PPP2R3B: variants seen among roughly 807,000 people sequenced by gnomAD.
PPP2R3B encodes the protein protein phosphatase 2 regulatory subunit B''beta.
In PPP2R3B, 68 loss-of-function variants were observed where a neutral mutation model predicts 72.9. That is an observed-to-expected ratio of 0.93 (90% CI 0.77 to 1.14). PPP2R3B has a LOEUF of 1.14. Ranked by LOEUF, PPP2R3B falls within the 50% of genes most tolerant of loss-of-function variation. The pLI is 0.00. For synonymous variants in PPP2R3B, 466 were observed against 375.8 expected, an observed-to-expected ratio of 1.24 and a Z score of -2.78; for missense variants, 1,018 against 842.0, an observed-to-expected ratio of 1.21 and a Z score of -2.59.
intron 2 of PPP2R3B, among the ~76,000 whole-genome samples, chrX:357,280 T>G (rs1239557709): frequency 6.6e-6 from 1 of 152,120 alleles, no homozygotes; most frequent in Non-Finnish European, 1.5e-5. Flanking sequence ...GATACCCAGG[T>G]GTGTGCTTTA....
At chrX:382,361 C>T (rs1409426599) in intron 1 of PPP2R3B, among the ~76,000 whole-genome samples, 1 of 151,900 alleles carries the variant, frequency 6.6e-6, no homozygotes, top group African/African-American at 2.4e-5. Flanking sequence ...CCACACCCAG[C>T]TAATTTTTGT....
At position 334,317 on chromosome X, in the gene PPP2R3B, G is replaced by C; in HGVS notation, c.*50C>G. ...GTTTTTACACGAGCCGCGGTGGCCC[G>C]GTGGTGGCACGTGGGGAGCGGCCCC... is the stretch of plus-strand genomic sequence containing the variant. On this transcript the variant is annotated 3_prime_UTR_variant, in exon 13 of 13. Coordinates refer to ENST00000390665, the MANE Select transcript of PPP2R3B (RefSeq NM_013239.5). 2 of 1,432,034 alleles carry C rather than the reference G, an allele frequency of 1.4e-6. No homozygotes were observed. Among genetic ancestry groups the C allele is most frequent in the East Asian group, 2.7e-5 (1 of 37,046 alleles). The allele number at this position is 1,432,034 out of a possible 1,614,324, so 88.7% of individuals were successfully genotyped here.
intron 1 of PPP2R3B, among the ~76,000 whole-genome samples, chrX:374,337 G>A (rs1033641288): frequency 6.6e-6 from 1 of 152,162 alleles, no homozygotes; most frequent in Non-Finnish European, 1.5e-5. Context: ...AAACACGCAC[G>A]GCAGCCCAGA....
intron 6 of PPP2R3B, 133 bp downstream of exon 6, chrX:346,041 A>AGGTGGGGGTGGG (rs1207199896): frequency 0.019 from 8,721 of 464,994 alleles, 410 homozygotes; most frequent in East Asian, 0.15. Flanking sequence ...AGCGCGGTGG[A>AGGTGGGGGTGGG]GGTGGGGGTG....
intron 1 of PPP2R3B, among the ~76,000 whole-genome samples, chrX:368,341 G>GGA (rs2071773151): frequency 2.9e-5 from 3 of 104,746 alleles, no homozygotes; most frequent in African/African-American, 1.2e-4. Flanking sequence ...ACCGACACGG[G>GGA]GAAGGCCGGG....
At chrX:338,267 C>T (rs1445865353) in intron 12 of PPP2R3B, 2 of 477,430 alleles carry the variant, frequency 4.2e-6, no homozygotes, top group Non-Finnish European at 7.7e-6. Context: ...GCCTGCCCAG[C>T]AGGTGCCAGC....
Position 353,646 on chromosome X carries a change from C to G in PPP2R3B, c.511-5953G>C, listed in dbSNP as rs1449510479. Among the ~76,000 whole-genome samples, 4 of 152,290 alleles carry G rather than the reference C, an allele frequency of 2.6e-5. No individual in the cohort carries two copies. The East Asian group carries it at 7.7e-4, about 29-fold the overall frequency. ...CAAGAAAAGGAGACCGCAGGCCAGT[C>G]CTTCACGAGCGCAGACGCAACCCCT... is the stretch of plus-strand genomic sequence containing the variant. On this transcript the variant is annotated intron_variant, in intron 2 of 12. Coordinates refer to ENST00000390665, the MANE Select transcript of PPP2R3B (RefSeq NM_013239.5).
intron 1 of PPP2R3B, chrX:374,117 C>G (rs2071936322): frequency 6.6e-6 from 1 of 150,980 alleles, no homozygotes; most frequent in Non-Finnish European, 1.5e-5. Flanking sequence ...ATCAACAGGT[C>G]CCCGAGAGGA....
rs372385182 is a variant in PPP2R3B at position 338,748 on chromosome X, C to T, written c.1470+30G>A. On this transcript the variant is annotated intron_variant, in intron 11 of 12. Transcript: ENST00000390665. ...CACGGGTTACGTACACGGCGTGGCG[C>T]GGCCCGGCCCGCGTGCCCGCCGCAC... 4.0e-4 allele frequency: 650 copies of T among 1,611,614 alleles called. 2 individuals carry two copies. The highest frequency in any genetic ancestry group is 5.1e-4 in the Middle Eastern group (3 of 5,876).
At chrX:334,751 G>A (rs1038970182) in intron 12 of PPP2R3B, 108 of 470,518 alleles carry the variant, frequency 2.3e-4, no homozygotes, top group Middle Eastern at 1.1e-3. Flanking sequence ...AGGACGGGAC[G>A]GAGCCCCGGG....
chrX:353,260 G>A (rs1235662243), intron 2 of PPP2R3B, among the ~76,000 whole-genome samples: 1 of 152,012 alleles, frequency 6.6e-6, no homozygotes, highest in Non-Finnish European at 1.5e-5. Context: ...TGTAATCCCA[G>A]CTACCCAGGA....
At chrX:356,067 T>A (rs2071427765) in intron 2 of PPP2R3B, among the ~76,000 whole-genome samples, 1 of 152,000 alleles carries the variant, frequency 6.6e-6, no homozygotes, top group African/African-American at 2.4e-5. Flanking sequence ...AACACGTACA[T>A]CAGGGAAATG....
At chrX:334,597 C>T (rs1267676371) in intron 12 of PPP2R3B, 80 bp from the exon 13 acceptor site, 66 of 1,351,630 alleles carry the variant, frequency 4.9e-5, no homozygotes, top group East Asian at 2.7e-4. Flanking sequence ...ACAGGCTGCT[C>T]GGCCGCCAAC....
chrX:341,309 G>A lies in PPP2R3B; in HGVS notation c.1173C>T (p.Thr391=), dbSNP rs758175700. The stretch of plus-strand genomic sequence containing the variant: ...CGCATGCCGCAGCAGGAACCCACCT[G>A]GTCGGTGTTTTTTTGTCTTCCTCAG... ...LISEEDKKTP[T]SIEYWFRCMD... is the part of the protein sequence containing the mutation. Residue 391 remains threonine (T), a splice_region_variant and synonymous_variant, in exon 9 of 13, where the codon ACC becomes ACT. Coordinates refer to ENST00000390665, the MANE Select transcript of PPP2R3B (RefSeq NM_013239.5). 39 of 1,612,368 alleles carry A rather than the reference G, an allele frequency of 2.4e-5. No individual in the cohort carries two copies. The highest frequency in any genetic ancestry group is 4.5e-5 in the East Asian group (2 of 44,868).
intron 1 of PPP2R3B, 43 bp from the exon 2 acceptor site, chrX:361,633 TC>T: frequency 6.2e-7 from 1 of 1,602,492 alleles, no homozygotes; most frequent in Non-Finnish European, 8.5e-7. Flanking sequence ...CCTGGGAGCA[TC>T]GAACGCCTTC....
chrX:371,124 C>T (rs1427699567), intron 1 of PPP2R3B, among the ~76,000 whole-genome samples: 1 of 151,986 alleles, frequency 6.6e-6, no homozygotes, highest in Non-Finnish European at 1.5e-5. Context: ...ACAGAAGGCC[C>T]GAGAATCCCT....
intron 7 of PPP2R3B, 125 bp from the exon 8 acceptor site, chrX:342,056 G>GC (rs2071091605): frequency 1.7e-6 from 2 of 1,180,256 alleles, no homozygotes; most frequent in Non-Finnish European, 2.5e-6. Context: ...GTCTGGGAGA[G>GC]CCCCGGGGCC....
rs962269836 is a variant in PPP2R3B at position 354,827 on chromosome X, G to A, written c.510+6578C>T. On this transcript the variant is annotated intron_variant, in intron 2 of 12. Coordinates refer to ENST00000390665, the MANE Select transcript of PPP2R3B (RefSeq NM_013239.5). ...AGATCATGCCACTGCACTCCAGCCC[G>A]GGGGCAGAATGAGAACCTGTCTCAA... is the stretch of plus-strand genomic sequence containing the variant. Among the ~76,000 whole-genome samples, 5 of 152,316 alleles carry A rather than the reference G, an allele frequency of 3.3e-5. 1 individual carries two copies. The South Asian group carries it at 6.2e-4, about 19-fold the overall frequency.
intron 2 of PPP2R3B, among the ~76,000 whole-genome samples, chrX:352,536 T>TGCCCACCTTGCTCTGTGTGGATCGTCG: frequency 6.6e-6 from 1 of 151,710 alleles, no homozygotes; most frequent in East Asian, 1.9e-4. Flanking sequence ...GTGGATCGTC[T>TGCCCACCTTGCTCTGTGTGGATCGTCG]GCCCACCTTG....
Sources: gnomAD v4.1 joint callset for allele counts (sites outside exome capture counted in the v4.1 genomes callset) on GRCh38, gnomAD v4.1.1 for gene constraint, MANE v1.5 for transcripts, NCBI Gene and HGNC (gene_info 2026-07-23, HGNC 2026-07-21) for gene names.